RAB38: variants seen among roughly 807,000 people sequenced by gnomAD.
The protein encoded by RAB38 is ras-related protein Rab-38.
Under a neutral mutation model 18.4 loss-of-function variants are expected in RAB38, and 15 were observed. That is an observed-to-expected ratio of 0.82 (90% CI 0.55 to 1.26). The LOEUF (loss-of-function observed/expected upper bound fraction) is 1.26, where lower values mean the gene tolerates loss of function less well. Ranked by LOEUF, RAB38 falls within the 50% of genes most tolerant of loss-of-function variation. The pLI is 0.00. For synonymous variants in RAB38, 101 were observed against 104.4 expected (o/e 0.97, Z 0.20); for missense variants, 294 against 267.4 (o/e 1.10, Z -0.69).
the RAB38 span, among the ~76,000 whole-genome samples, chr11:87,951,757 AGTTTTGTCT>A: frequency 1.3e-5 from 2 of 152,054 alleles, no homozygotes; most frequent in African/African-American, 4.8e-5. Context: ...TTCCTCTGGA[AGTTTTGTCT>A]CAGAGGAGTA....
chr11:88,154,395 A>G (rs750019074), intron 1 of RAB38, among the ~76,000 whole-genome samples: 4 of 152,172 alleles, frequency 2.6e-5, no homozygotes, highest in Non-Finnish European at 5.9e-5. Flanking sequence ...CTCTGTCACA[A>G]CCTTGGGACA....
chr11:87,941,247 G>GGATATATATTTTTATAAATATATGAGA, the RAB38 span, among the ~76,000 whole-genome samples: 1 of 30,874 alleles, frequency 3.2e-5, no homozygotes, highest in African/African-American at 1.4e-4. Flanking sequence ...ATATATATAT[G>GGATATATATTTTTATAAATATATGAGA]TAACTTCTAT....
chr11:87,915,784 A>G, the RAB38 span, among the ~76,000 whole-genome samples: 4 of 152,108 alleles, frequency 2.6e-5, no homozygotes, highest in African/African-American at 9.7e-5. Flanking sequence ...AGATCCAAGA[A>G]CCTTGTCTTG....
chr11:87,866,965 T>C, the RAB38 span, among the ~76,000 whole-genome samples: 3 of 151,776 alleles, frequency 2.0e-5, no homozygotes, highest in East Asian at 3.9e-4. Context: ...ATGAGAAACA[T>C]GCAAAATATT....
the RAB38 span, among the ~76,000 whole-genome samples, chr11:87,946,705 A>G: frequency 6.6e-6 from 1 of 152,102 alleles, no homozygotes; most frequent in African/African-American, 2.4e-5. Flanking sequence ...CCATGTCCCT[A>G]CAAAGGACAT....
the RAB38 span, among the ~76,000 whole-genome samples, chr11:88,086,109 C>T: frequency 1.2e-4 from 18 of 151,800 alleles, no homozygotes; most frequent in African/African-American, 1.9e-4. Flanking sequence ...TCTTGTAAGG[C>T]TATTGTGAAG....
the RAB38 span, among the ~76,000 whole-genome samples, chr11:88,036,656 A>G: frequency 6.6e-6 from 1 of 152,020 alleles, no homozygotes; most frequent in African/African-American, 2.4e-5. Flanking sequence ...TATGTTATCA[A>G]TCAACATAGA....
At chr11:87,941,211 TG>T in the RAB38 span, among the ~76,000 whole-genome samples, 1 of 24,138 alleles carries the variant, frequency 4.1e-5, no homozygotes, top group African/African-American at 2.0e-4. Context: ...TATAAATATA[TG>T]AGATATATAT....
At chr11:88,141,100 T>C (rs1359230394) in intron 2 of RAB38, among the ~76,000 whole-genome samples, 3 of 152,176 alleles carry the variant, frequency 2.0e-5, no homozygotes, top group Non-Finnish European at 2.9e-5. Flanking sequence ...CACAGACTCA[T>C]GGAAACAGGC....
chr11:88,052,931 TATA>T, the RAB38 span, among the ~76,000 whole-genome samples: 67 of 39,336 alleles, frequency 1.7e-3, 5 homozygotes, highest in African/African-American at 3.6e-3. Context: ...TATATATATA[TATA>T]TATATATATA....
chr11:87,918,187 G>A, the RAB38 span, among the ~76,000 whole-genome samples: 14,073 of 151,786 alleles, frequency 0.093, 1,489 homozygotes, highest in African/African-American at 0.27. Context: ...CACATCCTCC[G>A]GGTTCATTCA....
chr11:87,841,456 T>A, the RAB38 span, among the ~76,000 whole-genome samples: 1 of 152,232 alleles, frequency 6.6e-6, no homozygotes. Context: ...ACTATTGTGC[T>A]CAAGTGATTA....
chr11:88,038,616 C>T, the RAB38 span, among the ~76,000 whole-genome samples: 1 of 152,136 alleles, frequency 6.6e-6, no homozygotes, highest in African/African-American at 2.4e-5. Flanking sequence ...AGAAATAGAA[C>T]ACACAACTTT....
At chr11:87,954,938 A>G in the RAB38 span, among the ~76,000 whole-genome samples, 1 of 152,244 alleles carries the variant, frequency 6.6e-6, no homozygotes. Context: ...TAAGCAGAGG[A>G]AAGAATTTCT....
the RAB38 span, among the ~76,000 whole-genome samples, chr11:87,871,495 C>A: frequency 6.6e-6 from 1 of 151,554 alleles, no homozygotes; most frequent in East Asian, 2.0e-4. Flanking sequence ...GTTTAAAATT[C>A]TTTTTAGTGC....
chr11:87,919,550 C>T, the RAB38 span, among the ~76,000 whole-genome samples: 1 of 151,680 alleles, frequency 6.6e-6, no homozygotes, highest in Non-Finnish European at 1.5e-5. Context: ...GGGATGTTGG[C>T]CTGTAATTTT....
the RAB38 span, among the ~76,000 whole-genome samples, chr11:87,977,835 T>TTA: frequency 5.0e-3 from 526 of 105,260 alleles, 5 homozygotes; most frequent in African/African-American, 0.018. Context: ...TCCTATATAA[T>TTA]CATGTATATT....
the RAB38 span, among the ~76,000 whole-genome samples, chr11:87,963,715 C>G: frequency 6.7e-6 from 1 of 149,560 alleles, no homozygotes; most frequent in East Asian, 2.0e-4. Context: ...GGTATGGTCT[C>G]GGCTCCCTGC....
At chr11:88,045,426 A>G in the RAB38 span, among the ~76,000 whole-genome samples, 1 of 152,216 alleles carries the variant, frequency 6.6e-6, no homozygotes, top group African/African-American at 2.4e-5. Flanking sequence ...TGCGGCGGCC[A>G]GGCATTCCTC....
Sources: gnomAD v4.1 joint callset for allele counts (sites outside exome capture counted in the v4.1 genomes callset) on GRCh38, gnomAD v4.1.1 for gene constraint, MANE v1.5 for transcripts, NCBI Gene and HGNC (gene_info 2026-07-23, HGNC 2026-07-21) for gene names.